NLRP8: variants seen among roughly 807,000 people sequenced by gnomAD.
NLRP8 encodes the protein NLR family pyrin domain containing 8.
Under a neutral mutation model 88.7 loss-of-function variants are expected in NLRP8, and 86 were observed. That is an observed-to-expected ratio of 0.97 (90% confidence interval 0.81 to 1.16). The LOEUF (loss-of-function observed/expected upper bound fraction) is 1.16. NLRP8 is among the 50% of genes most tolerant of loss of function. The pLI, the probability that NLRP8 is intolerant of heterozygous loss-of-function variation, is 0.00. For missense variants in NLRP8, 1,342 were observed against 1,286.5 expected (o/e 1.04, Z -0.66); for synonymous variants, 504 against 494.6 (o/e 1.02, Z -0.25).
intron 3 of NLRP8, among the ~76,000 whole-genome samples, chr19:55,956,855 C>T (rs547660546): frequency 2.6e-5 from 4 of 152,210 alleles, no homozygotes; most frequent in South Asian, 4.2e-4. Flanking sequence ...GGCAGTGGTA[C>T]GATCGTGGCT....
intron 2 of NLRP8, 38 bp downstream of exon 2, chr19:55,952,650 TG>T: frequency 6.4e-7 from 1 of 1,556,802 alleles, no homozygotes; most frequent in South Asian, 1.1e-5. Flanking sequence ...GGTGAAAAAA[TG>T]GGCTATGGAC....
At chr19:55,986,797 C>T (rs1054862029) in intron 9 of NLRP8, among the ~76,000 whole-genome samples, 1 of 152,020 alleles carries the variant, frequency 6.6e-6, no homozygotes, top group Non-Finnish European at 1.5e-5. Context: ...GCTGGACCTG[C>T]TCTTGGTGGT....
Position 55,966,257 on chromosome 19 carries a change from G to A in NLRP8, c.2258G>A (p.Gly753Asp). Residue 753 changes from glycine (G) to aspartate (D), a missense_variant, in exon 5 of 10, where the codon GGT becomes GAT. Transcript: ENST00000291971. ...ACCATGTTGAACCAGGACTTAATCG[G>A]TGTTTTGACGGGGAACCAGCATCTG... 1.2e-6 allele frequency: 2 copies of A among 1,614,126 alleles called. No individual in the cohort carries two copies. The highest frequency in any genetic ancestry group is 8.5e-7 in the Non-Finnish European group (1 of 1,180,012).
chr19:55,972,521 C>T lies in NLRP8; in HGVS notation c.2535-1131C>T, dbSNP rs183548744. ...CGTGGTGATTTCTGGGATTTTTGCA[C>T]GCCCAACATCCGAGCAGTGTACACT... is the stretch of plus-strand genomic sequence containing the variant. On this transcript the variant is annotated intron_variant, in intron 6 of 9. Coordinates refer to ENST00000291971, the MANE Select transcript of NLRP8 (RefSeq NM_176811.2). Among the ~76,000 whole-genome samples, 9 of 151,788 alleles carry T rather than the reference C, an allele frequency of 5.9e-5. No homozygotes were observed. In the East Asian group the frequency reaches 1.2e-3, roughly 20 times the overall value.
Position 55,951,091 on chromosome 19 carries a change from A to T in NLRP8, c.368-1447A>T, listed in dbSNP as rs142169791. On this transcript the variant is annotated intron_variant, in intron 1 of 9. Transcript: ENST00000291971. ...AGACTTAGTCTCAAAAAAAATAAGA[A>T]TAAAAATAAAAATAAAAATGGTACC... 2.5e-3 allele frequency among the ~76,000 whole-genome samples: 373 copies of T among 152,206 alleles called. 1 individual carries two copies. Among genetic ancestry groups the T allele is most frequent in the African/African-American group, 8.6e-3 (356 of 41,532 alleles).
intron 6 of NLRP8, among the ~76,000 whole-genome samples, chr19:55,972,326 G>A (rs977497648): frequency 1.1e-4 from 16 of 151,686 alleles, no homozygotes; most frequent in Admixed American, 1.1e-3. Context: ...CGTTGGCCAG[G>A]CTGGTCTTGA....
In NLRP8 at chr19:55,955,881, A is replaced by C. The variant is rs750423036; in HGVS notation, c.1823A>C (p.Gln608Pro). The C allele has an allele frequency of 6.2e-7, 1 of 1,614,192 alleles. No homozygotes were observed. The highest frequency in any genetic ancestry group is 8.5e-7 in the Non-Finnish European group (1 of 1,180,024). ...CCTTCTCCGGGCAGTGGGGTCCCGC[A>C]GTTATTCTACTGTCTGCATGAAATC... is the stretch of plus-strand genomic sequence containing the variant. Residue 608 changes from glutamine (Q) to proline (P), a missense_variant, in exon 3 of 10, where the codon CAG becomes CCG. Coordinates refer to ENST00000291971, the MANE Select transcript of NLRP8 (RefSeq NM_176811.2).
At position 55,988,080 on chromosome 19, in the gene NLRP8, G is replaced by C; in HGVS notation, c.*167G>C. ...CTTTGAACCCTGGAGTGAGGACGGT[G>C]ATGCCCTGTGTGTATTAATATGCTA... On this transcript the variant is annotated 3_prime_UTR_variant, in exon 10 of 10. Coordinates refer to ENST00000291971, the MANE Select transcript of NLRP8 (RefSeq NM_176811.2). 1 of 596,512 alleles carries C rather than the reference G, an allele frequency of 1.7e-6. No homozygotes were observed. Among genetic ancestry groups the C allele is most frequent in the Non-Finnish European group, 3.0e-6 (1 of 327,878 alleles). 37.0% of individuals were successfully genotyped at this position (596,512 alleles called of 1,614,324 possible). A position where few individuals can be genotyped will look rare whatever the true frequency, so the allele number is the denominator to read the frequency against.
rs773373489 is a variant in NLRP8, at chr19:55,979,548, A to G, written c.3031A>G (p.Arg1011Gly). 11 of 1,614,212 alleles carry G rather than the reference A, an allele frequency of 6.8e-6. No individual in the cohort carries two copies. Among genetic ancestry groups the G allele is most frequent in the Middle Eastern group, 1.7e-4 (1 of 6,060 alleles). Residue 1011 changes from arginine to glycine, a missense_variant, in exon 9 of 10, where the codon AGA (arginine) becomes GGA (glycine). Coordinates refer to ENST00000291971, the MANE Select transcript of NLRP8 (RefSeq NM_176811.2). ...CGAGGCCTTCTCAAGCCAAAAGAAG[A>G]GAGAAGAGGTCATTTTGTAAGTCTC...
chr19:55,959,135 C>A (rs1440137644), intron 3 of NLRP8, among the ~76,000 whole-genome samples: 1 of 146,450 alleles, frequency 6.8e-6, no homozygotes, highest in South Asian at 2.2e-4. Flanking sequence ...GCCTCGGCCT[C>A]CCAAAGTGCT....
rs776560456 is a variant in NLRP8, at chr19:55,973,651, G to T, written c.2535-1G>T. On this transcript the variant is annotated splice_acceptor_variant, in intron 6 of 9. Coordinates refer to ENST00000291971, the MANE Select transcript of NLRP8 (RefSeq NM_176811.2). LOFTEE classifies it high-confidence loss of function. ...GTCATCTGTGTGCTTCTCTCCCATA[G>T]GATAGAGAACTGCAACCTTACACAG... The T allele has an allele frequency of 1.9e-6, 3 of 1,605,066 alleles. No individual in the cohort carries two copies. The South Asian group carries it at 3.3e-5, about 18-fold the overall frequency.
chr19:55,960,832 G>A (rs1448747803), intron 3 of NLRP8, among the ~76,000 whole-genome samples: 1 of 151,410 alleles, frequency 6.6e-6, no homozygotes, highest in African/African-American at 2.4e-5. Context: ...TGAAAAATAG[G>A]TGTGCTAGAG....
In NLRP8 at chr19:55,979,499, A is replaced by G. The variant is rs1417125437; in HGVS notation, c.2982A>G (p.Gly994=). ...TGGACTTGAGCAAGAATGCGATTGG[A>G]GTCTATGGTATTCTGACCTTGTGCG... The change falls in exon 9 of 10, where the codon GGA becomes GGG. Residue 994 remains glycine, a synonymous_variant. Transcript: ENST00000291971. 6.2e-7 allele frequency: 1 copy of G among 1,614,208 alleles called. No individual in the cohort carries two copies. Among genetic ancestry groups the G allele is most frequent in the Admixed American group, 1.7e-5 (1 of 60,016 alleles).
intron 9 of NLRP8, among the ~76,000 whole-genome samples, chr19:55,986,467 C>G (rs757193808): frequency 1.9e-4 from 10 of 53,270 alleles, no homozygotes; most frequent in Non-Finnish European, 3.1e-4. Flanking sequence ...CACACACTCT[C>G]TCACATACAC....
At chr19:55,968,036 A>G (rs1000790236) in intron 5 of NLRP8, among the ~76,000 whole-genome samples, 2 of 152,256 alleles carry the variant, frequency 1.3e-5, no homozygotes, top group African/African-American at 4.8e-5. Flanking sequence ...AGGTAAACAA[A>G]TGGATACAGC....
Position 55,988,130 on chromosome 19 carries a change from C to T in NLRP8, c.*217C>T, listed in dbSNP as rs775814266. The T allele has an allele frequency of 1.9e-5, 8 of 431,064 alleles. No homozygotes were observed. The highest frequency in any genetic ancestry group is 2.1e-5 in the Non-Finnish European group (5 of 233,636). The allele number at this position is 431,064 out of a possible 1,614,324, so 26.7% of individuals were successfully genotyped here. A position where few individuals can be genotyped will look rare whatever the true frequency, so the allele number is the denominator to read the frequency against. On this transcript the variant is annotated 3_prime_UTR_variant, in exon 10 of 10. Coordinates refer to ENST00000291971, the MANE Select transcript of NLRP8 (RefSeq NM_176811.2). ...ATGTAAGGCTGGGCGTGGTGGCTCA[C>T]GCCTGTAACCCAGCACTATGGGAGG...
chr19:55,968,523 C>G (rs548523555), intron 5 of NLRP8, among the ~76,000 whole-genome samples: 1 of 151,914 alleles, frequency 6.6e-6, no homozygotes, highest in South Asian at 2.1e-4. Flanking sequence ...GGTGGATCAC[C>G]TGAGGTCAGG....
intron 3 of NLRP8, among the ~76,000 whole-genome samples, chr19:55,957,673 T>TAATAATATA (rs1378405360): frequency 1.9e-4 from 6 of 31,198 alleles, no homozygotes; most frequent in South Asian, 1.7e-3. Flanking sequence ...AAAATAATAA[T>TAATAATATA]TATATATATA....
intron 9 of NLRP8, among the ~76,000 whole-genome samples, chr19:55,980,835 T>C (rs1380294877): frequency 2.0e-5 from 3 of 152,042 alleles, no homozygotes; most frequent in Non-Finnish European, 4.4e-5. Flanking sequence ...AGGGTGTGAT[T>C]TGTAGGAGGA....
Sources: gnomAD v4.1 joint callset for allele counts (sites outside exome capture counted in the v4.1 genomes callset) on GRCh38, gnomAD v4.1.1 for gene constraint, MANE v1.5 for transcripts, NCBI Gene and HGNC (gene_info 2026-07-23, HGNC 2026-07-21) for gene names.